ADAMTS17: variants seen among roughly 807,000 people sequenced by gnomAD.
The protein encoded by ADAMTS17 is A disintegrin and metalloproteinase with thrombospondin motifs 17.
A neutral mutation model predicts 141.5 loss-of-function variants in ADAMTS17; 113 were observed. The ratio of observed to expected loss-of-function variants is 0.80; its 90% CI spans 0.69 to 0.93. The LOEUF (loss-of-function observed/expected upper bound fraction) is 0.93, where lower values mean the gene tolerates loss of function less well. ADAMTS17 is among the 40% of genes least tolerant of loss of function. ADAMTS17 has a pLI of 0.00. For missense variants in ADAMTS17, 1,659 were observed against 1,517.9 expected, an observed-to-expected ratio of 1.09 and a Z score of -1.54; for synonymous variants, 768 against 630.6, an observed-to-expected ratio of 1.22 and a Z score of -3.27.
chr15:100,159,892 G>GT (rs1156341000), intron 8 of ADAMTS17, among the ~76,000 whole-genome samples: 1 of 152,212 alleles, frequency 6.6e-6, no homozygotes, highest in Non-Finnish European at 1.5e-5. Flanking sequence ...AGAAAGGAAC[G>GT]TTTTGCCTCT....
In ADAMTS17 at chr15:100,052,112, C is replaced by T. The variant is rs1398799407; in HGVS notation, c.2296-381G>A. The stretch of plus-strand genomic sequence containing the variant: ...TCACCCACAAAGCTGCCCTTGCAGA[C>T]AGGAAAGACACAGATAAACTTTTAC... On this transcript the variant is annotated intron_variant, in intron 16 of 21. Coordinates refer to ENST00000268070, the MANE Select transcript of ADAMTS17 (RefSeq NM_139057.4). 3.3e-5 allele frequency among the ~76,000 whole-genome samples: 5 copies of T among 152,242 alleles called. No individual in the cohort carries two copies. The South Asian group carries it at 6.2e-4, about 19-fold the overall frequency.
intron 7 of ADAMTS17, among the ~76,000 whole-genome samples, chr15:100,221,896 C>T (rs74037572): frequency 9.2e-5 from 14 of 152,338 alleles, no homozygotes; most frequent in Middle Eastern, 3.4e-3. Flanking sequence ...CTTCTGCTCT[C>T]GGGCTGACAC....
At chr15:100,290,073 C>G (rs1213139022) in intron 3 of ADAMTS17, among the ~76,000 whole-genome samples, 2 of 151,994 alleles carry the variant, frequency 1.3e-5, no homozygotes, top group East Asian at 3.9e-4. Flanking sequence ...TAAGTCAAAC[C>G]ATCTCTGCTT....
intron 3 of ADAMTS17, among the ~76,000 whole-genome samples, chr15:100,323,146 GAAA>G (rs972065294): frequency 4.8e-5 from 7 of 147,226 alleles, no homozygotes; most frequent in Non-Finnish European, 9.0e-5. Context: ...AAAATTATAT[GAAA>G]AAATAAAAAT....
intron 9 of ADAMTS17, 74 bp from the exon 10 acceptor site, chr15:100,152,836 T>TTC: frequency 6.4e-7 from 1 of 1,573,238 alleles, no homozygotes; most frequent in Non-Finnish European, 8.6e-7. Flanking sequence ...TCTTTTTTTT[T>TTC]TTGAGTTTTC....
At position 100,267,702 on chromosome 15, in the gene ADAMTS17, G is replaced by C. The variant is rs563520077; in HGVS notation, c.790-5267C>G. 5.9e-5 allele frequency among the ~76,000 whole-genome samples: 9 copies of C among 152,108 alleles called. No homozygotes were observed. The South Asian group carries it at 1.9e-3, about 32-fold the overall frequency. ...CCCTGTCTCCCTTCTCTAGTAGTCC[G>C]CAGTGTCTGCTGCCACCTTTTAAAA... On this transcript the variant is annotated intron_variant, in intron 4 of 21. Coordinates refer to ENST00000268070, the MANE Select transcript of ADAMTS17 (RefSeq NM_139057.4).
chr15:100,096,507 G>A lies in ADAMTS17; in HGVS notation c.2017-31C>T, dbSNP rs537223207. Reference sequence around the variant, plus strand: ...GAACCAGAGGGCCTCATTATTCTGTGGTTAAGACTCAGAGGAGTTTTAAAG... The same window carrying A: ...GAACCAGAGGGCCTCATTATTCTGTAGTTAAGACTCAGAGGAGTTTTAAAG... On this transcript the variant is annotated intron_variant, in intron 14 of 21. Transcript: ENST00000268070. 23 of 1,613,844 alleles carry A rather than the reference G, an allele frequency of 1.4e-5. No homozygotes were observed. In the African/African-American group the frequency reaches 2.4e-4, roughly 17 times the overall value.
At chr15:100,277,840 C>T (rs12900868) in intron 4 of ADAMTS17, among the ~76,000 whole-genome samples, 17,314 of 152,270 alleles carry the variant, frequency 0.11, 1,069 homozygotes, top group Non-Finnish European at 0.14. Context: ...TGCACACCCA[C>T]GTTCATAGCA....
chr15:100,069,516 G>C (rs2033813519), intron 15 of ADAMTS17, among the ~76,000 whole-genome samples: 1 of 152,140 alleles, frequency 6.6e-6, no homozygotes, highest in Non-Finnish European at 1.5e-5. Flanking sequence ...ACCCACAAAG[G>C]GAAGCCCATC....
At chr15:100,317,679 T>C (rs575949153) in intron 3 of ADAMTS17, among the ~76,000 whole-genome samples, 3 of 152,216 alleles carry the variant, frequency 2.0e-5, no homozygotes, top group Admixed American at 1.3e-4. Flanking sequence ...AAAGAGACAA[T>C]GCTTGGACTT....
chr15:100,067,719 C>G (rs2033643377), intron 15 of ADAMTS17, among the ~76,000 whole-genome samples: 1 of 151,996 alleles, frequency 6.6e-6, no homozygotes, highest in African/African-American at 2.4e-5. Flanking sequence ...TGTTTCCTAC[C>G]TTTTATCTTT....
chr15:100,169,722 C>T (rs2040087676), intron 8 of ADAMTS17, among the ~76,000 whole-genome samples: 1 of 152,204 alleles, frequency 6.6e-6, no homozygotes, highest in South Asian at 2.1e-4. Flanking sequence ...GTACTGTGAA[C>T]TGCATGCTCG....
chr15:100,306,528 C>T (rs1177063991), intron 3 of ADAMTS17: 1 of 456,060 alleles, frequency 2.2e-6, no homozygotes, highest in East Asian at 6.9e-5. Flanking sequence ...CCAGATCACT[C>T]CAGCCTCCAG....
intron 12 of ADAMTS17, among the ~76,000 whole-genome samples, chr15:100,124,496 G>A (rs1383905545): frequency 4.6e-5 from 7 of 152,176 alleles, no homozygotes; most frequent in South Asian, 2.1e-4. Flanking sequence ...GTGAGGACAT[G>A]GGGCAAGTAG....
intron 3 of ADAMTS17, among the ~76,000 whole-genome samples, chr15:100,326,868 CA>C (rs1429872494): frequency 6.6e-6 from 1 of 152,200 alleles, no homozygotes; most frequent in Non-Finnish European, 1.5e-5. Context: ...CAGGTGAGGA[CA>C]GAGGGTGTCA....
At chr15:100,190,796 G>A (rs901422818) in intron 8 of ADAMTS17, among the ~76,000 whole-genome samples, 2 of 152,350 alleles carry the variant, frequency 1.3e-5, no homozygotes, top group East Asian at 1.9e-4. Flanking sequence ...AGCTGTGTAA[G>A]CCAAAGGTGT....
At chr15:100,297,474 A>T (rs149638440) in intron 3 of ADAMTS17, among the ~76,000 whole-genome samples, 1,689 of 152,290 alleles carry the variant, frequency 0.011, 15 homozygotes, top group Non-Finnish European at 0.017. Context: ...AGGCAACTGC[A>T]GGTGGGAAGA....
At chr15:100,191,090 C>A (rs1156467840) in intron 8 of ADAMTS17, among the ~76,000 whole-genome samples, 1 of 152,254 alleles carries the variant, frequency 6.6e-6, no homozygotes, top group Admixed American at 6.5e-5. Flanking sequence ...CTGGAAGAGT[C>A]TGGAAGTTCT....
At chr15:100,069,282 G>C (rs915650357) in intron 15 of ADAMTS17, among the ~76,000 whole-genome samples, 1 of 152,250 alleles carries the variant, frequency 6.6e-6, no homozygotes, top group Non-Finnish European at 1.5e-5. Flanking sequence ...GTACCTGAAA[G>C]TGACGGGGAG....
Sources: gnomAD v4.1 joint callset for allele counts (sites outside exome capture counted in the v4.1 genomes callset) on GRCh38, gnomAD v4.1.1 for gene constraint, MANE v1.5 for transcripts, NCBI Gene and HGNC (gene_info 2026-07-23, HGNC 2026-07-21) for gene names.